ANXA4: variants seen among roughly 807,000 people sequenced by gnomAD.
The protein encoded by ANXA4 is annexin A4, also known as 35-beta calcimedin.
A neutral mutation model predicts 49.8 loss-of-function variants in ANXA4; 39 were observed. The observed-to-expected ratio is 0.78, with a 90% CI of 0.61 to 1.02. ANXA4 has a LOEUF of 1.02. ANXA4 is among the 50% of genes least tolerant of loss of function. The pLI is 0.00. For synonymous variants in ANXA4, 134 were observed against 152.5 expected (o/e 0.88, Z 0.89); for missense variants, 360 against 410.1 (o/e 0.88, Z 1.05).
chr2:69,745,748 C>G (rs143709265), intron 1 of ANXA4, among the ~76,000 whole-genome samples: 5 of 152,218 alleles, frequency 3.3e-5, no homozygotes, highest in African/African-American at 1.2e-4. Flanking sequence ...CCAGGCTGGT[C>G]TCGAACTCCT....
chr2:69,744,023 A>G (rs887861193), intron 1 of ANXA4, among the ~76,000 whole-genome samples: 6 of 152,142 alleles, frequency 3.9e-5, no homozygotes, highest in African/African-American at 1.2e-4. Context: ...CTTTTCTCCA[A>G]GGGAGATAAA....
At chr2:69,736,443 A>G (rs778280390) in intron 3 of ANXA4, among the ~76,000 whole-genome samples, 8 of 152,246 alleles carry the variant, frequency 5.3e-5, no homozygotes, top group Admixed American at 1.3e-4. Context: ...TAAAGCACCT[A>G]GAATACTGAC....
At chr2:69,777,621 T>C (rs1244470692) in intron 1 of ANXA4, among the ~76,000 whole-genome samples, 1 of 152,208 alleles carries the variant, frequency 6.6e-6, no homozygotes, top group Non-Finnish European at 1.5e-5. Context: ...CATCTTCATC[T>C]CATGCCACTC....
chr2:69,726,726 C>T (rs950688956), intron 3 of ANXA4, among the ~76,000 whole-genome samples: 1 of 152,178 alleles, frequency 6.6e-6, no homozygotes, highest in African/African-American at 2.4e-5. Context: ...TTTGAATTTT[C>T]TATCAATAAC....
chr2:69,687,529 T>G (rs923763944), intron 2 of ANXA4, among the ~76,000 whole-genome samples: 2 of 151,610 alleles, frequency 1.3e-5, no homozygotes, highest in Admixed American at 1.3e-4. Flanking sequence ...AAGATATTTT[T>G]GGGAAGGAGA....
At chr2:69,684,173 T>C (rs1677700285) in intron 2 of ANXA4, among the ~76,000 whole-genome samples, 2 of 152,208 alleles carry the variant, frequency 1.3e-5, no homozygotes. Flanking sequence ...TTGAAAAGCT[T>C]AAGACTACTC....
chr2:69,761,295 A>G (rs1671274119), intron 1 of ANXA4, among the ~76,000 whole-genome samples: 1 of 152,242 alleles, frequency 6.6e-6, no homozygotes, highest in South Asian at 2.1e-4. Flanking sequence ...TTTTCATCAA[A>G]TGTCTGTATT....
intron 4 of ANXA4, among the ~76,000 whole-genome samples, chr2:69,805,999 A>T (rs1226746849): frequency 6.6e-6 from 1 of 152,236 alleles, no homozygotes; most frequent in Non-Finnish European, 1.5e-5. Context: ...CATTTTGCAG[A>T]TCTCTTTAAT....
chr2:69,704,319 A>C (rs1678422391), intron 2 of ANXA4, among the ~76,000 whole-genome samples: 1 of 152,232 alleles, frequency 6.6e-6, no homozygotes, highest in African/African-American at 2.4e-5. Context: ...ATTATACAAA[A>C]AGTAACTAAC....
chr2:69,779,167 T>A (rs540561691), intron 1 of ANXA4, among the ~76,000 whole-genome samples: 174 of 151,354 alleles, frequency 1.1e-3, no homozygotes, highest in Non-Finnish European at 1.8e-3. Flanking sequence ...CTTTTTTTTT[T>A]AATGAAATAA....
At chr2:69,666,623 G>T (rs1365859913) in intron 2 of ANXA4, among the ~76,000 whole-genome samples, 1 of 152,116 alleles carries the variant, frequency 6.6e-6, no homozygotes, top group Non-Finnish European at 1.5e-5. Flanking sequence ...ACAAAATATG[G>T]AATATTCATA....
intron 3 of ANXA4, among the ~76,000 whole-genome samples, chr2:69,727,582 A>G (rs1458353480): frequency 3.3e-5 from 5 of 152,112 alleles, no homozygotes; most frequent in Admixed American, 6.5e-5. Flanking sequence ...TCTTTTACCA[A>G]TTTACTGCAA....
At chr2:69,695,268 TG>T (rs892337023) in intron 2 of ANXA4, among the ~76,000 whole-genome samples, 2 of 152,170 alleles carry the variant, frequency 1.3e-5, no homozygotes, top group African/African-American at 4.8e-5. Flanking sequence ...CTCCTCACGC[TG>T]AGAATCAAGG....
chr2:69,646,255 A>G (rs893779393), intron 1 of ANXA4, among the ~76,000 whole-genome samples: 4 of 152,140 alleles, frequency 2.6e-5, no homozygotes, highest in African/African-American at 9.7e-5. Context: ...TATAATCTCA[A>G]AACTATCACA....
At chr2:69,680,428 T>A (rs564806522) in intron 2 of ANXA4, among the ~76,000 whole-genome samples, 1 of 152,200 alleles carries the variant, frequency 6.6e-6, no homozygotes, top group Admixed American at 6.5e-5. Flanking sequence ...TTTCTAGATA[T>A]AAGATCATGT....
At chr2:69,794,899 G>C (rs563718213) in intron 3 of ANXA4, among the ~76,000 whole-genome samples, 7 of 152,212 alleles carry the variant, frequency 4.6e-5, no homozygotes, top group African/African-American at 1.4e-4. Flanking sequence ...ATTTCCCTGT[G>C]CCCAGGTACT....
Position 69,691,878 on chromosome 2 carries a change from T to C in ANXA4, n.767-28896T>C, listed in dbSNP as rs150166024. On this transcript the variant is annotated intron_variant and non_coding_transcript_variant, in intron 2 of 3. Transcript: ENST00000418066. ...TTACTATTCAGTAACTTCAGGTTTTTTGTTTTTTGTGTGTTTGTTTGTTTT... is the reference window on the plus strand; with the variant it reads ...TTACTATTCAGTAACTTCAGGTTTTCTGTTTTTTGTGTGTTTGTTTGTTTT... 2.0e-3 allele frequency among the ~76,000 whole-genome samples: 309 copies of C among 152,262 alleles called. 1 individual carries two copies. Among genetic ancestry groups the C allele is most frequent in the African/African-American group, 7.2e-3 (299 of 41,542 alleles).
At chr2:69,666,862 A>T (rs968032338) in intron 2 of ANXA4, among the ~76,000 whole-genome samples, 13 of 152,262 alleles carry the variant, frequency 8.5e-5, no homozygotes, top group African/African-American at 2.6e-4. Context: ...CCTGGCCAAC[A>T]TGGCAAAATC....
chr2:69,793,002 C>T (rs1420538623), intron 3 of ANXA4, among the ~76,000 whole-genome samples: 1 of 151,194 alleles, frequency 6.6e-6, no homozygotes, highest in Non-Finnish European at 1.5e-5. Context: ...GCCTGTAATC[C>T]CAGCACTTTG....
Sources: allele counts gnomAD v4.1 joint callset (sites outside exome capture counted in the v4.1 genomes callset), GRCh38; gene constraint gnomAD v4.1.1; transcripts MANE v1.5; gene names NCBI Gene and HGNC (gene_info 2026-07-23, HGNC 2026-07-21).